The following BACH2 variants were observed in gnomAD, a reference collection of about 807,000 sequenced individuals.
The protein encoded by BACH2 is transcription regulator protein BACH2.
Under a neutral mutation model 61.8 loss-of-function variants are expected in BACH2, and 5 were observed. The ratio of observed to expected loss-of-function variants is 0.08; its 90% CI spans 0.04 to 0.17. The LOEUF is 0.17. Among genes scored for constraint, BACH2 ranks in the 10% least tolerant of loss-of-function variants. The pLI is 1.00. For missense variants in BACH2, 824 were observed against 1,091.1 expected (o/e 0.76, Z 3.45); for synonymous variants, 446 against 440.1 (o/e 1.01, Z -0.17).
At chr6:90,095,346 A>G (rs1006607417) in intron 4 of BACH2, among the ~76,000 whole-genome samples, 2 of 152,068 alleles carry the variant, frequency 1.3e-5, no homozygotes, top group Non-Finnish European at 2.9e-5. Context: ...ACTGGCATGG[A>G]AAGGTGATGA....
chr6:90,181,465 T>G (rs528826843), intron 4 of BACH2, among the ~76,000 whole-genome samples: 3 of 152,148 alleles, frequency 2.0e-5, no homozygotes, highest in Admixed American at 6.5e-5. Flanking sequence ...AGTTGTTGTT[T>G]TTTTTTTAAA....
chr6:89,978,821 C>T (rs1775795562), intron 6 of BACH2, among the ~76,000 whole-genome samples: 1 of 152,140 alleles, frequency 6.6e-6, no homozygotes, highest in Non-Finnish European at 1.5e-5. Flanking sequence ...AAAATGCACG[C>T]TGTCCCTGAC....
At chr6:90,141,965 C>T (rs1582413304) in intron 4 of BACH2, among the ~76,000 whole-genome samples, 1 of 152,294 alleles carries the variant, frequency 6.6e-6, no homozygotes, top group East Asian at 1.9e-4. Flanking sequence ...CCTATAATCC[C>T]AGCTATTTGG....
chr6:90,154,530 A>C (rs993032638), intron 4 of BACH2, among the ~76,000 whole-genome samples: 29 of 152,186 alleles, frequency 1.9e-4, no homozygotes, highest in African/African-American at 7.0e-4. Context: ...TGTGCTGCAC[A>C]ATTCAGAATA....
intron 2 of BACH2, among the ~76,000 whole-genome samples, chr6:90,255,447 C>CA (rs1178108673): frequency 2.0e-5 from 3 of 152,020 alleles, no homozygotes; most frequent in Admixed American, 6.5e-5. Context: ...AACTGAGACC[C>CA]AAAGAGTGTC....
intron 4 of BACH2, among the ~76,000 whole-genome samples, chr6:90,092,932 C>T (rs764806543): frequency 1.3e-5 from 2 of 152,084 alleles, no homozygotes; most frequent in Non-Finnish European, 2.9e-5. Context: ...GGCCAAGGAA[C>T]CATGAGGCCA....
intron 5 of BACH2, among the ~76,000 whole-genome samples, chr6:90,046,229 C>T (rs1262047343): frequency 6.6e-6 from 1 of 152,148 alleles, no homozygotes; most frequent in Non-Finnish European, 1.5e-5. Context: ...AACTTGGAAA[C>T]ATGGAAAGAT....
At chr6:90,152,572 T>C (rs1323848915) in intron 4 of BACH2, among the ~76,000 whole-genome samples, 1 of 152,264 alleles carries the variant, frequency 6.6e-6, no homozygotes, top group African/African-American at 2.4e-5. Context: ...CTGAGAAATA[T>C]ACTTAATAAG....
chr6:90,291,115 T>C (rs773769878), intron 1 of BACH2, among the ~76,000 whole-genome samples: 10 of 152,174 alleles, frequency 6.6e-5, no homozygotes, highest in Middle Eastern at 3.4e-3. Context: ...GGCAATTCAT[T>C]ATGAGGCTAA....
chr6:90,106,586 T>C (rs1782927195), intron 4 of BACH2, among the ~76,000 whole-genome samples: 1 of 152,202 alleles, frequency 6.6e-6, no homozygotes, highest in African/African-American at 2.4e-5. Flanking sequence ...ATGATGAGAC[T>C]GCCTAATGAC....
chr6:90,131,617 CACA>C (rs1784083539), intron 4 of BACH2, among the ~76,000 whole-genome samples: 1 of 152,210 alleles, frequency 6.6e-6, no homozygotes, highest in African/African-American at 2.4e-5. Flanking sequence ...TCTTTTTCTA[CACA>C]TGAGCTCACC....
At chr6:90,066,432 T>C (rs1266525430) in intron 5 of BACH2, among the ~76,000 whole-genome samples, 1 of 152,120 alleles carries the variant, frequency 6.6e-6, no homozygotes, top group East Asian at 1.9e-4. Flanking sequence ...TACTGGAATA[T>C]GTGACCTAGC....
chr6:89,970,143 G>T (rs923903558), intron 6 of BACH2, among the ~76,000 whole-genome samples: 1 of 152,228 alleles, frequency 6.6e-6, no homozygotes, highest in African/African-American at 2.4e-5. Context: ...GGAGAAAGAA[G>T]GTGGGCAGGG....
intron 3 of BACH2, among the ~76,000 whole-genome samples, chr6:90,218,933 G>GTC (rs1402276479): frequency 1.3e-5 from 2 of 151,026 alleles, no homozygotes; most frequent in Non-Finnish European, 2.9e-5. Flanking sequence ...GTGTGTGTGT[G>GTC]TGTGTGTGTG....
At chr6:90,238,158 G>C (rs1409280261) in intron 3 of BACH2, among the ~76,000 whole-genome samples, 1 of 152,182 alleles carries the variant, frequency 6.6e-6, no homozygotes, top group East Asian at 1.9e-4. Flanking sequence ...CGAAGCTAAA[G>C]AGAATTTTAT....
At chr6:90,007,074 T>A (rs761801082) in intron 6 of BACH2, among the ~76,000 whole-genome samples, 3 of 151,822 alleles carry the variant, frequency 2.0e-5, no homozygotes, top group Non-Finnish European at 4.4e-5. Flanking sequence ...AAATTTTAAT[T>A]ATTATTATTA....
chr6:90,063,949 A>G (rs1403762533), intron 5 of BACH2, among the ~76,000 whole-genome samples: 1 of 152,152 alleles, frequency 6.6e-6, no homozygotes, highest in Non-Finnish European at 1.5e-5. Flanking sequence ...GGTACATAAT[A>G]TATTTAAACC....
intron 4 of BACH2, among the ~76,000 whole-genome samples, chr6:90,183,157 C>A (rs1298148177): frequency 7.9e-5 from 12 of 152,182 alleles, no homozygotes; most frequent in Non-Finnish European, 1.2e-4. Flanking sequence ...TCAGACCAAC[C>A]TTTACCTCCT....
intron 5 of BACH2, among the ~76,000 whole-genome samples, chr6:90,041,925 C>G (rs747788808): frequency 7.2e-5 from 11 of 151,872 alleles, no homozygotes; most frequent in Non-Finnish European, 1.5e-4. Context: ...TTATTCTTTT[C>G]TAACGTTTTG....
Sources: gnomAD v4.1 joint callset for allele counts (sites outside exome capture counted in the v4.1 genomes callset) on GRCh38, gnomAD v4.1.1 for gene constraint, MANE v1.5 for transcripts, NCBI Gene and HGNC (gene_info 2026-07-23, HGNC 2026-07-21) for gene names.